Variants in SLC8A3 observed in about 807,000 individuals in gnomAD.
SLC8A3 encodes the protein solute carrier family 8 member A3.
SLC8A3 carries 37 observed loss-of-function variants against 65.4 expected under a neutral mutation model. The ratio of observed to expected loss-of-function variants is 0.57; its 90% CI spans 0.44 to 0.74. The LOEUF (loss-of-function observed/expected upper bound fraction) is 0.74. Ranked by LOEUF, SLC8A3 falls within the 30% of genes least tolerant of loss-of-function variation. SLC8A3 has a pLI of 0.00. For missense variants in SLC8A3, 1,112 were observed against 1,172.1 expected (o/e 0.95, Z 0.75); for synonymous variants, 461 against 444.5 (o/e 1.04, Z -0.47).
intron 2 of SLC8A3, among the ~76,000 whole-genome samples, chr14:70,146,965 A>T (rs1895965917): frequency 6.6e-6 from 1 of 152,222 alleles, no homozygotes; most frequent in Non-Finnish European, 1.5e-5. Context: ...AGAAACACAC[A>T]TAAGACAAGG....
Position 70,064,041 on chromosome 14 carries a change from G to T in SLC8A3, c.1785-3102C>A, listed in dbSNP as rs1399165812. The stretch of plus-strand genomic sequence containing the variant: ...AGTTAAAAGATTCAGAAAGATCCAA[G>T]TTTGCCCCAACACCACAGGGGCACG... On this transcript the variant is annotated intron_variant, in intron 2 of 6. Transcript: ENST00000356921. The T allele has an allele frequency of 7.7e-6, 5 of 649,618 alleles. No homozygotes were observed. In the East Asian group the frequency reaches 1.4e-4, roughly 18 times the overall value. 40.2% of individuals were successfully genotyped at this position (649,618 alleles called of 1,614,324 possible).
chr14:70,166,986 G>A lies in SLC8A3; in HGVS notation c.1437C>T (p.His479=), dbSNP rs1897204912. 1 of 1,613,958 alleles carries A rather than the reference G, an allele frequency of 6.2e-7. No individual in the cohort carries two copies. The highest frequency in any genetic ancestry group is 1.7e-5 in the Admixed American group (1 of 60,000). ...GGACATTGCTCAACCTTACAAAGAA[G>A]TGTTCATCCTCCTCAAAAATGTCGT... ...IDDDIFEEDE[H]FFVRLSNVRI... Residue 479 remains histidine (H), a synonymous_variant, in exon 2 of 7, where the codon CAC becomes CAT. Coordinates refer to ENST00000356921, the MANE Select transcript of SLC8A3 (RefSeq NM_182932.3).
At chr14:70,132,769 T>G (rs76006668) in intron 2 of SLC8A3, among the ~76,000 whole-genome samples, 4,926 of 152,278 alleles carry the variant, frequency 0.032, 265 homozygotes, top group African/African-American at 0.11. Context: ...GTGTGTTGTG[T>G]GTCCACCCCA....
At chr14:70,138,946 C>T (rs975101126) in intron 2 of SLC8A3, among the ~76,000 whole-genome samples, 3 of 152,206 alleles carry the variant, frequency 2.0e-5, no homozygotes, top group Admixed American at 6.5e-5. Context: ...CAGTGCCAGG[C>T]GCTGTGCTAA....
chr14:70,076,157 C>T (rs773687050), intron 2 of SLC8A3, among the ~76,000 whole-genome samples: 1 of 152,226 alleles, frequency 6.6e-6, no homozygotes, highest in African/African-American at 2.4e-5. Flanking sequence ...GGCCTCTGCA[C>T]TACCTGCTTC....
chr14:70,058,814 G>A (rs7141091), intron 3 of SLC8A3, among the ~76,000 whole-genome samples: 6,781 of 152,214 alleles, frequency 0.045, 481 homozygotes, highest in East Asian at 0.39. Context: ...CTTCCTGTAC[G>A]CTGTACATGT....
chr14:70,187,616 T>TG (rs1883399691), intron 1 of SLC8A3, among the ~76,000 whole-genome samples: 1 of 115,864 alleles, frequency 8.6e-6, no homozygotes, highest in Non-Finnish European at 2.2e-5. Flanking sequence ...TGTGTGTGTG[T>TG]GTGTGTGTGT....
intron 2 of SLC8A3, among the ~76,000 whole-genome samples, chr14:70,142,312 C>A (rs1256912043): frequency 6.6e-6 from 1 of 152,220 alleles, no homozygotes; most frequent in East Asian, 1.9e-4. Context: ...CTCAGACTGA[C>A]TATGATCGTT....
At chr14:70,081,028 T>C (rs1284649736) in intron 2 of SLC8A3, among the ~76,000 whole-genome samples, 2 of 152,190 alleles carry the variant, frequency 1.3e-5, no homozygotes, top group Non-Finnish European at 1.5e-5. Flanking sequence ...AGTATACCAA[T>C]GGTTACCAAA....
At chr14:70,126,470 T>C (rs1894448326) in intron 2 of SLC8A3, among the ~76,000 whole-genome samples, 1 of 151,834 alleles carries the variant, frequency 6.6e-6, no homozygotes, top group South Asian at 2.1e-4. Flanking sequence ...TAGAACTACA[T>C]GAGGAGCTGC....
In SLC8A3 at chr14:70,167,631, C is replaced by A; in HGVS notation, c.792G>T (p.Lys264Asn). ...RLLFYKYMHK[K>N]YRTDKHRGII... Reference sequence around the variant, plus strand: ...TTCCTCGGTGTTTGTCTGTGCGGTACTTTTTGTGCATGTATTTGTAGAAGA... The same window carrying A: ...TTCCTCGGTGTTTGTCTGTGCGGTAATTTTTGTGCATGTATTTGTAGAAGA... Residue 264 changes from lysine to asparagine, a missense_variant, in exon 2 of 7, where the codon AAG becomes AAT. By Grantham distance (94) the Lys-to-Asn change is moderately conservative. Coordinates refer to ENST00000356921, the MANE Select transcript of SLC8A3 (RefSeq NM_182932.3). The A allele has an allele frequency of 1.2e-6, 2 of 1,614,158 alleles. No individual in the cohort carries two copies. Among genetic ancestry groups the A allele is most frequent in the East Asian group, 2.2e-5 (1 of 44,882 alleles).
At chr14:70,054,187 A>G (rs2139753256) in intron 3 of SLC8A3, among the ~76,000 whole-genome samples, 1 of 152,188 alleles carries the variant, frequency 6.6e-6, no homozygotes, top group East Asian at 1.9e-4. Context: ...GCCAGACAAG[A>G]ATAGGATGTT....
At chr14:70,113,794 G>T (rs1893469011) in intron 2 of SLC8A3, among the ~76,000 whole-genome samples, 1 of 152,196 alleles carries the variant, frequency 6.6e-6, no homozygotes, top group Non-Finnish European at 1.5e-5. Flanking sequence ...TGTGCTGAAG[G>T]AAGCTACAAG....
intron 2 of SLC8A3, among the ~76,000 whole-genome samples, chr14:70,163,451 T>C (rs72731825): frequency 8.5e-5 from 13 of 152,284 alleles, no homozygotes; most frequent in Non-Finnish European, 1.6e-4. Context: ...AACTTGATTA[T>C]ATTTAGGGGA....
At chr14:70,049,081 A>T in intron 5 of SLC8A3, 39 bp from the exon 6 acceptor site, 12 of 1,563,204 alleles carry the variant, frequency 7.7e-6, no homozygotes, top group South Asian at 1.2e-5. Context: ...CGGGTAACGA[A>T]GTCAGATAAT....
intron 2 of SLC8A3, among the ~76,000 whole-genome samples, chr14:70,127,826 G>A (rs966879872): frequency 6.6e-6 from 1 of 152,142 alleles, no homozygotes; most frequent in African/African-American, 2.4e-5. Flanking sequence ...AATAGCACAG[G>A]CTTAGCCTTT....
At chr14:70,182,418 G>C (rs1882830566) in intron 1 of SLC8A3, among the ~76,000 whole-genome samples, 2 of 152,102 alleles carry the variant, frequency 1.3e-5, no homozygotes. Context: ...GAAAAATTGG[G>C]AGAGAGGAGA....
intron 2 of SLC8A3, chr14:70,080,287 G>C: frequency 1.0e-5 from 10 of 959,654 alleles, no homozygotes; most frequent in Non-Finnish European, 1.2e-5. Context: ...GGGAGGGGAA[G>C]GACAGCTTGA....
chr14:70,187,632 T>TG (rs1566843507), intron 1 of SLC8A3, among the ~76,000 whole-genome samples: 10 of 147,704 alleles, frequency 6.8e-5, no homozygotes, highest in Admixed American at 2.7e-4. Context: ...TGTGTGTGTG[T>TG]GTGTGTGTCC....
Sources: gnomAD v4.1 joint callset for allele counts (sites outside exome capture counted in the v4.1 genomes callset) on GRCh38, gnomAD v4.1.1 for gene constraint, MANE v1.5 for transcripts, NCBI Gene and HGNC (gene_info 2026-07-23, HGNC 2026-07-21) for gene names.